SDHAF3: variants seen among roughly 807,000 people sequenced by gnomAD.
SDHAF3 encodes succinate dehydrogenase complex assembly factor 3, also known as succinate dehydrogenase assembly factor 3, mitochondrial.
Under a neutral mutation model 11.5 loss-of-function variants are expected in SDHAF3, and 18 were observed. That is an observed-to-expected ratio of 1.56 (90% CI 1.08 to 2.32). SDHAF3 has a LOEUF of 2.32. SDHAF3 is among the 30% of genes most tolerant of loss of function. The pLI is 0.00. For synonymous variants in SDHAF3, 72 were observed against 59.3 expected (o/e 1.21, Z -0.99); for missense variants, 200 against 154.4 (o/e 1.30, Z -1.57).
chr7:97,170,972 A>C (rs10260298), intron 1 of SDHAF3, among the ~76,000 whole-genome samples: 88,027 of 151,980 alleles, frequency 0.58, 25,906 homozygotes, highest in Non-Finnish European at 0.64. Flanking sequence ...AGCCCAAGAA[A>C]CCAAATTTAT....
At chr7:97,165,131 A>C (rs1382064695) in intron 1 of SDHAF3, among the ~76,000 whole-genome samples, 3 of 151,930 alleles carry the variant, frequency 2.0e-5, no homozygotes, top group Admixed American at 6.6e-5. Flanking sequence ...AAAAAAATAC[A>C]AAAAAATTAG....
intron 1 of SDHAF3, among the ~76,000 whole-genome samples, chr7:97,145,990 A>C (rs1018579470): frequency 7.9e-5 from 12 of 152,120 alleles, no homozygotes; most frequent in Non-Finnish European, 1.8e-4. Context: ...TATAATAAAA[A>C]TTTTAAGGAA....
chr7:97,166,563 G>A (rs1422011792), intron 1 of SDHAF3, among the ~76,000 whole-genome samples: 3 of 152,208 alleles, frequency 2.0e-5, no homozygotes, highest in Non-Finnish European at 4.4e-5. Context: ...AAGACTTACT[G>A]AGTCTGTTCT....
At chr7:97,118,000 G>T (rs1791434475) in intron 1 of SDHAF3, 103 bp downstream of exon 1, 1 of 1,390,932 alleles carries the variant, frequency 7.2e-7, no homozygotes, top group Non-Finnish European at 9.8e-7. Flanking sequence ...GCAGCAACCT[G>T]TTCTGTTTGA....
At chr7:97,136,439 A>G (rs778658382) in intron 1 of SDHAF3, 10 of 654,930 alleles carry the variant, frequency 1.5e-5, no homozygotes, top group Non-Finnish European at 2.8e-5. Context: ...TTTCTGTTTC[A>G]TGTGAAGAAT....
intron 1 of SDHAF3, among the ~76,000 whole-genome samples, chr7:97,159,187 A>G (rs1039834682): frequency 2.0e-5 from 3 of 152,260 alleles, no homozygotes; most frequent in African/African-American, 7.2e-5. Flanking sequence ...ATATGATAAA[A>G]ATGTATGTCT....
chr7:97,173,128 A>T (rs1789629841), intron 1 of SDHAF3, among the ~76,000 whole-genome samples: 2 of 152,238 alleles, frequency 1.3e-5, no homozygotes, highest in Admixed American at 6.5e-5. Flanking sequence ...GGTAGAGCTC[A>T]GGTGGCAATG....
intron 1 of SDHAF3, among the ~76,000 whole-genome samples, chr7:97,136,662 A>G (rs1791775513): frequency 6.6e-6 from 1 of 152,222 alleles, no homozygotes; most frequent in Non-Finnish European, 1.5e-5. Context: ...GAAGTTATTC[A>G]GAAGTTTTTT....
intron 1 of SDHAF3, among the ~76,000 whole-genome samples, chr7:97,123,362 A>G (rs745758253): frequency 3.3e-5 from 5 of 152,142 alleles, no homozygotes; most frequent in Admixed American, 6.5e-5. Flanking sequence ...TCCATGATGT[A>G]TATGTTCCAC....
chr7:97,151,624 G>A (rs968314089), intron 1 of SDHAF3, among the ~76,000 whole-genome samples: 13 of 150,980 alleles, frequency 8.6e-5, no homozygotes, highest in African/African-American at 3.2e-4. Flanking sequence ...TCAGCCTCCC[G>A]AGTAGCTGGG....
chr7:97,180,018 T>TCATGAACTAAAATACTTTGGCACTC (rs1789746915), intron 1 of SDHAF3, among the ~76,000 whole-genome samples: 1 of 152,152 alleles, frequency 6.6e-6, no homozygotes, highest in Non-Finnish European at 1.5e-5. Context: ...CTTTGGCACT[T>TCATGAACTAAAATACTTTGGCACTC]TGTCTGCTTA....
At chr7:97,124,919 A>G (rs1220183949) in intron 1 of SDHAF3, among the ~76,000 whole-genome samples, 1 of 152,122 alleles carries the variant, frequency 6.6e-6, no homozygotes, top group Non-Finnish European at 1.5e-5. Flanking sequence ...GGTTTTCTAA[A>G]TACACAATCA....
At chr7:97,144,712 G>A (rs1789108985) in intron 1 of SDHAF3, among the ~76,000 whole-genome samples, 1 of 152,034 alleles carries the variant, frequency 6.6e-6, no homozygotes, top group African/African-American at 2.4e-5. Flanking sequence ...TTTGGTGACT[G>A]TGGTCTCACA....
intron 1 of SDHAF3, among the ~76,000 whole-genome samples, chr7:97,179,490 TTGCTTTAACAATCAACA>T (rs1359169039): frequency 6.6e-6 from 1 of 152,160 alleles, no homozygotes. Context: ...TTTTTTTTTT[TTGCTTTAACAATCAACA>T]TTCTTCTGCA....
chr7:97,121,003 GTAAA>G (rs1484823140), intron 1 of SDHAF3, among the ~76,000 whole-genome samples: 2 of 152,202 alleles, frequency 1.3e-5, no homozygotes, highest in Non-Finnish European at 2.9e-5. Context: ...TGTTTACAGA[GTAAA>G]TAGTGAATTT....
chr7:97,173,136 A>G (rs1789629883), intron 1 of SDHAF3, among the ~76,000 whole-genome samples: 2 of 152,230 alleles, frequency 1.3e-5, no homozygotes, highest in Admixed American at 6.5e-5. Flanking sequence ...TCAGGTGGCA[A>G]TGCTTGCCTG....
At chr7:97,127,335 G>A (rs188097578) in intron 1 of SDHAF3, among the ~76,000 whole-genome samples, 29 of 152,256 alleles carry the variant, frequency 1.9e-4, no homozygotes, top group Non-Finnish European at 3.8e-4. Flanking sequence ...GACTGTAACT[G>A]CTCTTCTTGA....
At chr7:97,152,135 T>C (rs1033990656) in intron 1 of SDHAF3, among the ~76,000 whole-genome samples, 5 of 152,258 alleles carry the variant, frequency 3.3e-5, no homozygotes, top group South Asian at 2.1e-4. Flanking sequence ...TGCCGGTTCA[T>C]CCCCCTCACC....
At chr7:97,119,630 T>C (rs1791461271) in intron 1 of SDHAF3, among the ~76,000 whole-genome samples, 1 of 152,168 alleles carries the variant, frequency 6.6e-6, no homozygotes, top group South Asian at 2.1e-4. Flanking sequence ...TTATTTACAA[T>C]TTGCCAGCCC....
Sources: allele counts gnomAD v4.1 joint callset (sites outside exome capture counted in the v4.1 genomes callset), GRCh38; gene constraint gnomAD v4.1.1; transcripts MANE v1.5; gene names NCBI Gene and HGNC (gene_info 2026-07-23, HGNC 2026-07-21).